Variants in B4GALNT3 observed in about 807,000 individuals in gnomAD.
The protein encoded by B4GALNT3 is beta-1,4-N-acetylgalactosaminyltransferase 3.
Under a neutral mutation model 120.2 loss-of-function variants are expected in B4GALNT3, and 86 were observed. The ratio of observed to expected loss-of-function variants is 0.72; its 90% CI spans 0.60 to 0.86. B4GALNT3 has a LOEUF of 0.86. B4GALNT3 is among the 40% of genes least tolerant of loss of function. B4GALNT3 has a pLI of 0.00. For missense variants in B4GALNT3, 1,167 were observed against 1,298.9 expected, an observed-to-expected ratio of 0.90 and a Z score of 1.56; for synonymous variants, 518 against 510.4, an observed-to-expected ratio of 1.01 and a Z score of -0.20.
chr12:550,575 C>T lies in B4GALNT3; in HGVS notation c.998-347C>T, dbSNP rs1214183862. Among the ~76,000 whole-genome samples the T allele has an allele frequency of 6.6e-6, 1 of 152,206 alleles. No individual in the cohort carries two copies. Among genetic ancestry groups the T allele is most frequent in the East Asian group, 1.9e-4 (1 of 5,202 alleles). ...TGACAACTGACGCTAAGGGGATGTT[C>T]AGCCCATGGTAGGAAATCCAGTTAT... is the stretch of plus-strand genomic sequence containing the variant. On this transcript the variant is annotated intron_variant, in intron 10 of 19. Coordinates refer to ENST00000266383, the MANE Select transcript of B4GALNT3 (RefSeq NM_173593.4). The surrounding 1 kb of genome is among the most constrained non-coding windows in gnomAD (Gnocchi z 4.1).
intron 1 of B4GALNT3, among the ~76,000 whole-genome samples, chr12:463,697 G>A (rs1946048621): frequency 6.6e-6 from 1 of 152,226 alleles, no homozygotes; most frequent in Non-Finnish European, 1.5e-5. Context: ...TCATGGAAAT[G>A]GTGACATTTT....
chr12:554,596 C>T (rs971287377), intron 14 of B4GALNT3, among the ~76,000 whole-genome samples: 8 of 150,938 alleles, frequency 5.3e-5, no homozygotes, highest in African/African-American at 1.9e-4. Flanking sequence ...CGAGACCATC[C>T]TGGCTAACAC....
intron 1 of B4GALNT3, among the ~76,000 whole-genome samples, chr12:492,067 A>AAAAAAG (rs1555152661): frequency 0.011 from 1,734 of 151,534 alleles, 30 homozygotes; most frequent in African/African-American, 0.04. Flanking sequence ...AAAAAAAAAA[A>AAAAAAG]GAACAAGGCA....
At chr12:545,785 TAA>T (rs1333970123) in intron 6 of B4GALNT3, among the ~76,000 whole-genome samples, 10 of 24,474 alleles carry the variant, frequency 4.1e-4, no homozygotes, top group African/African-American at 1.3e-3. Flanking sequence ...AGTGGGGAGG[TAA>T]GAGGAATGGG....
intron 19 of B4GALNT3, 29 bp from the exon 20 acceptor site, chr12:561,314 T>C (rs1256260034): frequency 6.3e-7 from 1 of 1,577,878 alleles, no homozygotes; most frequent in South Asian, 1.1e-5. Context: ...TGTGCTTCTG[T>C]TGGCTCATCT....
chr12:497,163 A>AT (rs1565593834), intron 1 of B4GALNT3, among the ~76,000 whole-genome samples: 1 of 151,142 alleles, frequency 6.6e-6, no homozygotes, highest in East Asian at 1.9e-4. Context: ...TTTTTTAATT[A>AT]TTTTTTTGAG....
intron 1 of B4GALNT3, among the ~76,000 whole-genome samples, chr12:512,755 C>T (rs140614089): frequency 0.14 from 18,855 of 138,386 alleles, 1,848 homozygotes; most frequent in South Asian, 0.2. Context: ...TTCCACCTTC[C>T]ACCTTCCGCC....
chr12:528,929 T>C (rs912176892), intron 1 of B4GALNT3, among the ~76,000 whole-genome samples: 7 of 152,194 alleles, frequency 4.6e-5, no homozygotes, highest in Non-Finnish European at 5.9e-5. Flanking sequence ...TCATCACCTT[T>C]TCTCATTCCA....
chr12:523,530 C>T (rs1375130093), intron 1 of B4GALNT3, among the ~76,000 whole-genome samples: 1 of 152,218 alleles, frequency 6.6e-6, no homozygotes, highest in Admixed American at 6.5e-5. Context: ...ACTCTACCTG[C>T]AGCTCACTTA....
rs910226723 is a variant in B4GALNT3, at chr12:543,143, G to T, written c.352-1196G>T. 4 of 1,289,510 alleles carry T rather than the reference G, an allele frequency of 3.1e-6. No homozygotes were observed. The African/African-American group carries it at 6.1e-5, about 20-fold the overall frequency. 79.9% of individuals were successfully genotyped at this position (1,289,510 alleles called of 1,614,324 possible). A position where few individuals can be genotyped will look rare whatever the true frequency, so the allele number is the denominator to read the frequency against. ...AGGTCCAGGGAGAGTATGTGTGTGT[G>T]TGTGCATGGCCAGAGCAGACCTTGT... On this transcript the variant is annotated intron_variant, in intron 3 of 19. Coordinates refer to ENST00000266383, the MANE Select transcript of B4GALNT3 (RefSeq NM_173593.4).
At chr12:552,551 T>C in intron 13 of B4GALNT3, 23 bp downstream of exon 13, 2 of 1,611,252 alleles carry the variant, frequency 1.2e-6, no homozygotes, top group Non-Finnish European at 1.7e-6. Context: ...AGCTGAGGCT[T>C]CCAGGTCAGG....
intron 1 of B4GALNT3, among the ~76,000 whole-genome samples, chr12:483,982 A>G (rs1024753733): frequency 6.6e-6 from 1 of 152,104 alleles, no homozygotes; most frequent in Non-Finnish European, 1.5e-5. Flanking sequence ...AAATCTCTCT[A>G]ATTTGTTTCC....
chr12:535,742 C>T (rs566541321), intron 2 of B4GALNT3, among the ~76,000 whole-genome samples: 2 of 152,070 alleles, frequency 1.3e-5, no homozygotes, highest in Middle Eastern at 3.4e-3. Flanking sequence ...ACCAATGGTC[C>T]CTAAGGAGGC....
chr12:548,431 C>A lies in B4GALNT3; in HGVS notation c.853+134C>A. ...GCTTGGGACACGGGTATGAAGGGGT[C>A]CAGAACAAGAGTGGGACCTTATGAC... On this transcript the variant is annotated intron_variant, in intron 9 of 19. Coordinates refer to ENST00000266383, the MANE Select transcript of B4GALNT3 (RefSeq NM_173593.4). This position sits in a 1 kb window ranked among gnomAD's most constrained non-coding sequence, Gnocchi z 4.9. The A allele has an allele frequency of 1.3e-6, 1 of 785,180 alleles. No homozygotes were observed. Among genetic ancestry groups the A allele is most frequent in the Non-Finnish European group, 2.1e-6 (1 of 472,578 alleles). The allele number at this position is 785,180 out of a possible 1,614,324, so 48.6% of individuals were successfully genotyped here.
intron 1 of B4GALNT3, among the ~76,000 whole-genome samples, chr12:533,219 A>G (rs1331823545): frequency 6.6e-6 from 1 of 152,256 alleles, no homozygotes; most frequent in African/African-American, 2.4e-5. Context: ...GGATTAGCAG[A>G]TGAACAAGCA....
chr12:523,922 G>A (rs1408599051), intron 1 of B4GALNT3, among the ~76,000 whole-genome samples: 1 of 152,128 alleles, frequency 6.6e-6, no homozygotes, highest in Admixed American at 6.5e-5. Flanking sequence ...TTAGCTGAGT[G>A]TGGTGGCAGG....
intron 1 of B4GALNT3, among the ~76,000 whole-genome samples, chr12:531,612 T>C (rs138529444): frequency 2.6e-5 from 4 of 152,144 alleles, no homozygotes; most frequent in Non-Finnish European, 5.9e-5. Context: ...ATTGTACCAC[T>C]GCATTCCAGC....
chr12:512,824 C>G (rs889228547), intron 1 of B4GALNT3, among the ~76,000 whole-genome samples: 4 of 150,550 alleles, frequency 2.7e-5, no homozygotes, highest in African/African-American at 9.8e-5. Flanking sequence ...CTTCCACCTT[C>G]CGCCTTCTGC....
In B4GALNT3 at chr12:553,102, G is replaced by A. The variant is rs1565610641; in HGVS notation, c.1271-92G>A. ...CAACCCCAGTCTGGAGCCCCATGGT[G>A]CGTCACACGTATGATCATCCTCTGT... On this transcript the variant is annotated intron_variant, in intron 13 of 19. Transcript: ENST00000266383. 3.3e-6 allele frequency: 5 copies of A among 1,527,352 alleles called. No individual in the cohort carries two copies. In the Admixed American group the frequency reaches 5.7e-5, roughly 17 times the overall value. 94.6% of individuals were successfully genotyped at this position (1,527,352 alleles called of 1,614,324 possible).
Sources: allele counts gnomAD v4.1 joint callset (sites outside exome capture counted in the v4.1 genomes callset), GRCh38; gene constraint gnomAD v4.1.1; non-coding constraint Gnocchi (gnomAD v3.1); transcripts MANE v1.5; gene names NCBI Gene and HGNC (gene_info 2026-07-23, HGNC 2026-07-21).